Variants in ARID1B observed in about 807,000 individuals in gnomAD.
ARID1B encodes the protein AT-rich interaction domain 1B.
ARID1B carries 30 observed loss-of-function variants against 212.3 expected under a neutral mutation model. That is an observed-to-expected ratio of 0.14 (90% CI 0.11 to 0.19). The LOEUF (loss-of-function observed/expected upper bound fraction) is 0.19, where lower values mean the gene tolerates loss of function less well. Among genes scored for constraint, ARID1B ranks in the 10% least tolerant of loss-of-function variants. ARID1B has a pLI of 1.00. For missense variants in ARID1B, 2,891 were observed against 3,204.0 expected, an observed-to-expected ratio of 0.90 and a Z score of 2.36; for synonymous variants, 1,402 against 1,301.7, an observed-to-expected ratio of 1.08 and a Z score of -1.66.
chr6:156,828,219 G>A (rs760328510), intron 1 of ARID1B, among the ~76,000 whole-genome samples: 6 of 151,960 alleles, frequency 3.9e-5, no homozygotes, highest in East Asian at 1.9e-4. Context: ...CTGCCACCAC[G>A]CCTGGCTAAG....
intron 7 of ARID1B, among the ~76,000 whole-genome samples, chr6:157,138,298 C>T (rs1789081037): frequency 6.6e-6 from 1 of 152,100 alleles, no homozygotes; most frequent in African/African-American, 2.4e-5. Context: ...TGCAGTGATG[C>T]AACCTTGACT....
chr6:157,073,321 C>T lies in ARID1B; in HGVS notation c.2248-11341C>T, dbSNP rs139560594. Among the ~76,000 whole-genome samples the T allele has an allele frequency of 4.0e-3, 606 of 152,164 alleles. 8 individuals carry two copies. The highest frequency in any genetic ancestry group is 0.028 in the Admixed American group (420 of 15,272). On this transcript the variant is annotated intron_variant, in intron 4 of 19. Transcript: ENST00000636930. ...GTTTCACCGTGTTGGCCAGGCTGGC[C>T]TCAAACTCCTGACCTCAGGTGATCT...
chr6:157,050,877 C>G (rs969590404), intron 4 of ARID1B, among the ~76,000 whole-genome samples: 4 of 152,088 alleles, frequency 2.6e-5, no homozygotes, highest in African/African-American at 7.2e-5. Context: ...TAAATATTTC[C>G]CATTCACACA....
intron 8 of ARID1B, among the ~76,000 whole-genome samples, chr6:157,160,661 T>C (rs1790868319): frequency 6.6e-6 from 1 of 152,202 alleles, no homozygotes; most frequent in South Asian, 2.1e-4. Flanking sequence ...GTCTTCCTGT[T>C]TCTCTTAGGA....
At chr6:157,184,050 G>T (rs1277893231) in intron 12 of ARID1B, among the ~76,000 whole-genome samples, 181 bp from the exon 13 acceptor site, 1 of 152,150 alleles carries the variant, frequency 6.6e-6, no homozygotes. Flanking sequence ...CCATCAGCAG[G>T]TTCCCTAATG....
intron 4 of ARID1B, among the ~76,000 whole-genome samples, chr6:156,945,785 A>G (rs1793076376): frequency 6.6e-6 from 1 of 152,172 alleles, no homozygotes; most frequent in Non-Finnish European, 1.5e-5. Context: ...GAGTGGGCAG[A>G]TTTCTTGAGC....
At chr6:156,977,013 G>T in intron 4 of ARID1B, 1 of 495,178 alleles carries the variant, frequency 2.0e-6, no homozygotes, top group Non-Finnish European at 3.9e-6. Context: ...TGGCATCATG[G>T]ACCATAAGGA....
intron 4 of ARID1B, among the ~76,000 whole-genome samples, chr6:156,954,908 TATCCAC>T (rs768723795): frequency 2.6e-5 from 4 of 152,262 alleles, no homozygotes; most frequent in Non-Finnish European, 4.4e-5. Flanking sequence ...CTAAATGTGA[TATCCAC>T]AACCAAAGGG....
chr6:157,209,532 G>C lies in ARID1B; in HGVS notation c.*1641G>C, dbSNP rs943344524. On this transcript the variant is annotated 3_prime_UTR_variant, in exon 20 of 20. Coordinates refer to ENST00000636930, the MANE Select transcript of ARID1B (RefSeq NM_001374828.1). The stretch of plus-strand genomic sequence containing the variant: ...TCAGTATTTATGGGAGGTGGCTGCT[G>C]ACCCACTTGAGGTGAGATCTCAGAA... The C allele has an allele frequency of 4.3e-5, 10 of 233,020 alleles. No homozygotes were observed. Among genetic ancestry groups the C allele is most frequent in the Admixed American group, 2.8e-4 (5 of 17,788 alleles). 14.4% of individuals were successfully genotyped at this position (233,020 alleles called of 1,614,324 possible).
chr6:156,954,444 A>AT (rs148373708), intron 4 of ARID1B, among the ~76,000 whole-genome samples: 4,901 of 151,564 alleles, frequency 0.032, 262 homozygotes, highest in African/African-American at 0.11. Flanking sequence ...CATACATATG[A>AT]TTTTTTTTTA....
intron 4 of ARID1B, among the ~76,000 whole-genome samples, chr6:156,992,506 G>A (rs1273341023): frequency 6.6e-6 from 1 of 152,152 alleles, no homozygotes; most frequent in Non-Finnish European, 1.5e-5. Context: ...TTCAGTGTTC[G>A]TGAGCATCTT....
At chr6:157,106,952 T>A (rs372255627) in intron 5 of ARID1B, among the ~76,000 whole-genome samples, 3 of 152,188 alleles carry the variant, frequency 2.0e-5, no homozygotes, top group Non-Finnish European at 4.4e-5. Context: ...TTCTAAAGGA[T>A]CCAGAAATTC....
chr6:156,908,413 G>C (rs2128222199), intron 3 of ARID1B, among the ~76,000 whole-genome samples: 1 of 151,984 alleles, frequency 6.6e-6, no homozygotes, highest in South Asian at 2.1e-4. Flanking sequence ...ATTCATAATG[G>C]TTTTTCTTCT....
At chr6:157,028,541 T>C (rs1780811709) in intron 4 of ARID1B, among the ~76,000 whole-genome samples, 1 of 152,228 alleles carries the variant, frequency 6.6e-6, no homozygotes, top group South Asian at 2.1e-4. Flanking sequence ...AATGAAATAA[T>C]GAATAGATAA....
chr6:157,001,115 C>T (rs2128427894), intron 4 of ARID1B, among the ~76,000 whole-genome samples: 1 of 152,246 alleles, frequency 6.6e-6, no homozygotes, highest in Non-Finnish European at 1.5e-5. Context: ...GAATTTGAAA[C>T]ACATTTAATC....
intron 4 of ARID1B, among the ~76,000 whole-genome samples, chr6:157,044,809 C>T (rs1297860670): frequency 6.6e-6 from 1 of 152,170 alleles, no homozygotes; most frequent in Non-Finnish European, 1.5e-5. Flanking sequence ...GTTACACTGG[C>T]CACATCTCAA....
chr6:156,951,102 A>G (rs1042285186), intron 4 of ARID1B, among the ~76,000 whole-genome samples: 2 of 152,182 alleles, frequency 1.3e-5, no homozygotes, highest in Admixed American at 1.3e-4. Context: ...TTATAAATAA[A>G]TGGTTATTTT....
chr6:156,791,636 G>T (rs973799256), intron 1 of ARID1B, among the ~76,000 whole-genome samples: 1 of 152,194 alleles, frequency 6.6e-6, no homozygotes, highest in Non-Finnish European at 1.5e-5. Flanking sequence ...CTGGGCAGAG[G>T]TAATGCAAGG....
At chr6:156,987,156 T>G (rs1321492041) in intron 4 of ARID1B, among the ~76,000 whole-genome samples, 1 of 97,730 alleles carries the variant, frequency 1.0e-5, no homozygotes, top group Non-Finnish European at 2.1e-5. Context: ...GTAGCCTCGG[T>G]GACAGAGAGA....
Sources: gnomAD v4.1 joint callset for allele counts (sites outside exome capture counted in the v4.1 genomes callset) on GRCh38, gnomAD v4.1.1 for gene constraint, MANE v1.5 for transcripts, NCBI Gene and HGNC (gene_info 2026-07-23, HGNC 2026-07-21) for gene names.